The following WDR70 variants were observed in gnomAD, a reference collection of about 807,000 sequenced individuals.
WDR70 encodes WD repeat domain 70, also known as WD repeat-containing protein 70.
WDR70 carries 53 observed loss-of-function variants against 88.6 expected under a neutral mutation model. The ratio of observed to expected loss-of-function variants is 0.60; its 90% CI spans 0.48 to 0.75. The LOEUF is 0.75. Ranked by LOEUF, WDR70 falls within the 30% of genes least tolerant of loss-of-function variation. The pLI is 0.00. For synonymous variants in WDR70, 280 were observed against 270.0 expected, an observed-to-expected ratio of 1.04 and a Z score of -0.36; for missense variants, 610 against 823.2, an observed-to-expected ratio of 0.74 and a Z score of 3.17.
intron 13 of WDR70, among the ~76,000 whole-genome samples, chr5:37,713,806 T>G (rs1162727634): frequency 1.3e-5 from 2 of 152,240 alleles, no homozygotes; most frequent in South Asian, 4.1e-4. Flanking sequence ...ATCCCACTGA[T>G]GGACCAAGTG....
At chr5:37,682,406 T>G (rs1746465103) in intron 10 of WDR70, among the ~76,000 whole-genome samples, 1 of 142,470 alleles carries the variant, frequency 7.0e-6, no homozygotes, top group Non-Finnish European at 1.6e-5. Flanking sequence ...ATGGTTTTTT[T>G]GTGTGCCTCA....
chr5:37,552,604 G>T (rs1232727576), intron 9 of WDR70, among the ~76,000 whole-genome samples: 1 of 152,156 alleles, frequency 6.6e-6, no homozygotes, highest in East Asian at 1.9e-4. Context: ...GGCAAAAAAG[G>T]GGTCCCACAG....
At chr5:37,611,687 TATTC>T (rs1744195999) in intron 10 of WDR70, among the ~76,000 whole-genome samples, 1 of 152,014 alleles carries the variant, frequency 6.6e-6, no homozygotes, top group Admixed American at 6.6e-5. Flanking sequence ...ATTACGTAGT[TATTC>T]ATTATTTACT....
At chr5:37,701,323 C>T (rs1366942335) in intron 12 of WDR70, among the ~76,000 whole-genome samples, 181 bp downstream of exon 12, 1 of 152,054 alleles carries the variant, frequency 6.6e-6, no homozygotes, top group African/African-American at 2.4e-5. Flanking sequence ...CCTCAGACTT[C>T]AAGAACTTTT....
At chr5:37,732,498 C>T (rs975461729) in intron 17 of WDR70, among the ~76,000 whole-genome samples, 39 of 152,080 alleles carry the variant, frequency 2.6e-4, no homozygotes, top group East Asian at 3.9e-4. Context: ...TAGGTATTTG[C>T]CCACACATGC....
At chr5:37,646,741 G>C (rs912284078) in intron 10 of WDR70, among the ~76,000 whole-genome samples, 3 of 152,086 alleles carry the variant, frequency 2.0e-5, no homozygotes, top group Non-Finnish European at 4.4e-5. Flanking sequence ...GCATATTGGA[G>C]CCCTGCTGTA....
chr5:37,484,266 T>C (rs947450111), intron 8 of WDR70, among the ~76,000 whole-genome samples: 77 of 152,260 alleles, frequency 5.1e-4, no homozygotes, highest in African/African-American at 1.8e-3. Context: ...CTGGGCAACA[T>C]TGAGCACTGA....
chr5:37,675,825 A>T (rs893937512), intron 10 of WDR70, among the ~76,000 whole-genome samples: 3 of 152,094 alleles, frequency 2.0e-5, no homozygotes, highest in Non-Finnish European at 2.9e-5. Context: ...TACCTTGGGC[A>T]GTATGGCCAT....
At position 37,607,581 on chromosome 5, in the gene WDR70, C is replaced by T. The variant is rs553662803; in HGVS notation, c.1092+2343C>T. 3.1e-3 allele frequency among the ~76,000 whole-genome samples: 473 copies of T among 152,126 alleles called. 1 individual carries two copies. Among genetic ancestry groups the T allele is most frequent in the African/African-American group, 0.011 (445 of 41,524 alleles). ...GAGTTATATTGGTCAATATGCTAGC[C>T]ACTAGCCACATTTGACTATTTTAAT... is the stretch of plus-strand genomic sequence containing the variant. On this transcript the variant is annotated intron_variant, in intron 10 of 17. Transcript: ENST00000265107.
intron 17 of WDR70, among the ~76,000 whole-genome samples, chr5:37,728,971 A>C (rs1000780500): frequency 1.3e-5 from 2 of 152,080 alleles, no homozygotes; most frequent in African/African-American, 4.8e-5. Context: ...TTTTTCAAGT[A>C]TTTTTAAAAT....
intron 17 of WDR70, among the ~76,000 whole-genome samples, chr5:37,745,727 A>T (rs1303546817): frequency 6.6e-6 from 1 of 152,174 alleles, no homozygotes; most frequent in Non-Finnish European, 1.5e-5. Flanking sequence ...AAGAAGAGCT[A>T]ACTATTCTGA....
At chr5:37,462,826 C>T (rs1460997665) in intron 7 of WDR70, among the ~76,000 whole-genome samples, 4 of 151,576 alleles carry the variant, frequency 2.6e-5, no homozygotes, top group African/African-American at 9.7e-5. Flanking sequence ...TAATCCTCAC[C>T]CAATTTTATA....
intron 10 of WDR70, among the ~76,000 whole-genome samples, chr5:37,675,952 C>G (rs1746191626): frequency 6.6e-6 from 1 of 151,924 alleles, no homozygotes. Context: ...TCCTTCACGT[C>G]CCTTGTAAGT....
intron 5 of WDR70, among the ~76,000 whole-genome samples, chr5:37,421,621 A>T (rs547910413): frequency 1.3e-5 from 2 of 152,264 alleles, no homozygotes; most frequent in East Asian, 3.9e-4. Flanking sequence ...TTAGTAACAG[A>T]ACTGTGGAGA....
At chr5:37,668,426 G>A (rs1045757973) in intron 10 of WDR70, among the ~76,000 whole-genome samples, 4 of 152,154 alleles carry the variant, frequency 2.6e-5, no homozygotes, top group African/African-American at 9.7e-5. Flanking sequence ...AATTCTAAAA[G>A]CATGGGTCTT....
intron 9 of WDR70, among the ~76,000 whole-genome samples, chr5:37,554,374 G>T (rs1742236087): frequency 6.6e-6 from 1 of 152,088 alleles, no homozygotes; most frequent in African/African-American, 2.4e-5. Flanking sequence ...ACTTAGGTCT[G>T]CCTGACTCAA....
rs1386043220 is a variant in WDR70 at position 37,515,358 on chromosome 5, G to A, written c.841-1156G>A. Among the ~76,000 whole-genome samples the A allele has an allele frequency of 5.9e-5, 9 of 152,332 alleles. No homozygotes were observed. In the South Asian group the frequency reaches 1.9e-3, roughly 32 times the overall value. ...AAGAATCAAGATTTTCCCTGTACCT[G>A]TTGTGTTCGAGATGCCTATGATATG... On this transcript the variant is annotated intron_variant, in intron 8 of 17. Coordinates refer to ENST00000265107, the MANE Select transcript of WDR70 (RefSeq NM_018034.4).
chr5:37,445,781 G>T (rs1383878676), intron 7 of WDR70, among the ~76,000 whole-genome samples: 1 of 152,116 alleles, frequency 6.6e-6, no homozygotes, highest in Non-Finnish European at 1.5e-5. Flanking sequence ...GTATTGATGG[G>T]ACATATCTCA....
intron 7 of WDR70, among the ~76,000 whole-genome samples, chr5:37,456,010 T>C (rs1429356806): frequency 6.8e-6 from 1 of 147,848 alleles, no homozygotes; most frequent in African/African-American, 2.4e-5. Flanking sequence ...TGATAGACAT[T>C]TGGCTTATTT....
Sources: allele counts gnomAD v4.1 joint callset (sites outside exome capture counted in the v4.1 genomes callset), GRCh38; gene constraint gnomAD v4.1.1; transcripts MANE v1.5; gene names NCBI Gene and HGNC (gene_info 2026-07-23, HGNC 2026-07-21).